The following GALNTL6 variants were observed in gnomAD, a reference collection of about 807,000 sequenced individuals.
GALNTL6 encodes the protein polypeptide N-acetylgalactosaminyltransferase like 6, also known as polypeptide N-acetylgalactosaminyltransferase-like 6.
A neutral mutation model predicts 73.7 loss-of-function variants in GALNTL6; 46 were observed. The observed-to-expected ratio is 0.62, with a 90% CI of 0.49 to 0.80. The LOEUF (loss-of-function observed/expected upper bound fraction) is 0.80, where lower values mean the gene tolerates loss of function less well. Among genes scored for constraint, GALNTL6 ranks in the 30% least tolerant of loss-of-function variants. GALNTL6 has a pLI of 0.00. For synonymous variants in GALNTL6, 259 were observed against 263.7 expected (o/e 0.98, Z 0.17); for missense variants, 604 against 755.0 (o/e 0.80, Z 2.34).
At chr4:172,057,546 T>A (rs1161812825) in intron 2 of GALNTL6, among the ~76,000 whole-genome samples, 3 of 147,844 alleles carry the variant, frequency 2.0e-5, no homozygotes, top group Non-Finnish European at 4.5e-5. Context: ...AAAATAAAAA[T>A]AAAAAATAAA....
At chr4:172,359,005 A>G (rs894923811) in intron 5 of GALNTL6, among the ~76,000 whole-genome samples, 7 of 152,290 alleles carry the variant, frequency 4.6e-5, no homozygotes, top group South Asian at 4.1e-4. Flanking sequence ...CAGAACTACT[A>G]TTTGACTCAG....
intron 5 of GALNTL6, among the ~76,000 whole-genome samples, chr4:172,470,823 C>T (rs1022307593): frequency 7.9e-5 from 12 of 152,126 alleles, no homozygotes; most frequent in South Asian, 2.1e-4. Context: ...CCTTCATACA[C>T]GTATTCGTGT....
chr4:172,297,849 C>T (rs893466653), intron 3 of GALNTL6, among the ~76,000 whole-genome samples: 2 of 151,784 alleles, frequency 1.3e-5, no homozygotes, highest in Non-Finnish European at 2.9e-5. Context: ...TTTTTTGGTT[C>T]CATATGAATT....
intron 2 of GALNTL6, among the ~76,000 whole-genome samples, chr4:172,189,710 T>C (rs1236051534): frequency 2.0e-5 from 3 of 152,162 alleles, no homozygotes; most frequent in South Asian, 2.1e-4. Flanking sequence ...CAAAGGACTT[T>C]CTTATATAAA....
rs2110792314 is a variant in GALNTL6, at chr4:172,511,970, G to T, written c.553+163281G>T. On this transcript the variant is annotated intron_variant, in intron 5 of 12. Coordinates refer to ENST00000506823, the MANE Select transcript of GALNTL6 (RefSeq NM_001034845.3). ...TGAAGTCCATTTGTTCTAGGGTACAGTTTAAGTCCATTGTTCTTTGCAGAC... is the reference window on the plus strand; with the variant it reads ...TGAAGTCCATTTGTTCTAGGGTACATTTTAAGTCCATTGTTCTTTGCAGAC... 3.6e-5 allele frequency among the ~76,000 whole-genome samples: 2 copies of T among 55,250 alleles called. 1 individual carries two copies. Among genetic ancestry groups the T allele is most frequent in the African/African-American group, 9.0e-5 (2 of 22,226 alleles). 36.2% of individuals were successfully genotyped at this position (55,250 alleles called of 152,430 possible).
chr4:172,633,341 G>A (rs1232285910), intron 5 of GALNTL6, among the ~76,000 whole-genome samples: 2 of 152,216 alleles, frequency 1.3e-5, no homozygotes, highest in Non-Finnish European at 2.9e-5. Context: ...TCTTGCATCA[G>A]TATGACCTGG....
chr4:172,031,549 C>T (rs1741771828), intron 2 of GALNTL6, among the ~76,000 whole-genome samples: 2 of 152,138 alleles, frequency 1.3e-5, no homozygotes, highest in East Asian at 1.9e-4. Context: ...ATCTAAAACA[C>T]TGAGTTAGTC....
intron 5 of GALNTL6, among the ~76,000 whole-genome samples, chr4:172,709,348 C>A (rs2111319151): frequency 6.6e-6 from 1 of 152,264 alleles, no homozygotes; most frequent in Admixed American, 6.5e-5. Flanking sequence ...GAAGTCATGC[C>A]ACATAATGCA....
At chr4:172,993,103 C>T (rs6811225) in intron 10 of GALNTL6, among the ~76,000 whole-genome samples, 14,930 of 152,156 alleles carry the variant, frequency 0.098, 1,147 homozygotes, top group Admixed American at 0.24. Flanking sequence ...TGTGTCCCCC[C>T]AAAAATTCGT....
chr4:172,804,585 G>A (rs1740843238), intron 5 of GALNTL6, among the ~76,000 whole-genome samples: 1 of 152,180 alleles, frequency 6.6e-6, no homozygotes, highest in Non-Finnish European at 1.5e-5. Flanking sequence ...TGAGCCTGGG[G>A]CAGCGGTTGG....
Position 171,956,557 on chromosome 4 carries a change from T to G in GALNTL6, c.138+141839T>G, listed in dbSNP as rs1260104274. Among the ~76,000 whole-genome samples, 4 of 152,212 alleles carry G rather than the reference T, an allele frequency of 2.6e-5. No homozygotes were observed. In the East Asian group the frequency reaches 7.7e-4, roughly 29 times the overall value. ...TCATTTTTGGCTTTTTAAATTTTCA[T>G]TTTTGATCACTAATGATAATTTCAT... On this transcript the variant is annotated intron_variant, in intron 2 of 12. Coordinates refer to ENST00000506823, the MANE Select transcript of GALNTL6 (RefSeq NM_001034845.3).
intron 8 of GALNTL6, among the ~76,000 whole-genome samples, chr4:172,921,662 G>T (rs1159852913): frequency 6.6e-6 from 1 of 152,024 alleles, no homozygotes; most frequent in Admixed American, 6.5e-5. Context: ...GGGTGCGGCG[G>T]TGGGCCTCTA....
At chr4:172,155,635 A>C (rs1734230979) in intron 2 of GALNTL6, among the ~76,000 whole-genome samples, 3 of 152,238 alleles carry the variant, frequency 2.0e-5, no homozygotes, top group Admixed American at 1.3e-4. Context: ...AATATTAGTT[A>C]CTATTTATGG....
At chr4:172,734,732 A>G (rs943742318) in intron 5 of GALNTL6, among the ~76,000 whole-genome samples, 1 of 151,962 alleles carries the variant, frequency 6.6e-6, no homozygotes, top group Non-Finnish European at 1.5e-5. Flanking sequence ...ACAGGCCCAG[A>G]GGTCTAGGAG....
At chr4:172,960,529 C>G (rs533670873) in intron 10 of GALNTL6, among the ~76,000 whole-genome samples, 1 of 151,810 alleles carries the variant, frequency 6.6e-6, no homozygotes, top group Non-Finnish European at 1.5e-5. Flanking sequence ...AAAGACTCAG[C>G]GACGCTTGGG....
chr4:172,745,430 CAT>C (rs960280899), intron 5 of GALNTL6, among the ~76,000 whole-genome samples: 19 of 107,408 alleles, frequency 1.8e-4, no homozygotes, highest in African/African-American at 4.7e-4. Context: ...CTTTTCAAAA[CAT>C]ATATATATAT....
chr4:171,830,312 G>A (rs1734933043), intron 2 of GALNTL6, among the ~76,000 whole-genome samples: 1 of 152,160 alleles, frequency 6.6e-6, no homozygotes. Context: ...CTAGTTTGTG[G>A]AGATTGGCTA....
intron 5 of GALNTL6, among the ~76,000 whole-genome samples, chr4:172,352,139 A>G (rs1385271880): frequency 6.6e-6 from 1 of 152,204 alleles, no homozygotes; most frequent in African/African-American, 2.4e-5. Context: ...TAAAATACTA[A>G]AATATTAGAT....
At chr4:172,980,127 A>G (rs746736361) in intron 10 of GALNTL6, among the ~76,000 whole-genome samples, 7 of 152,216 alleles carry the variant, frequency 4.6e-5, no homozygotes, top group Non-Finnish European at 1.0e-4. Flanking sequence ...TTCACCTCAC[A>G]GAAAAGGAAT....
Sources: allele counts gnomAD v4.1 joint callset (sites outside exome capture counted in the v4.1 genomes callset), GRCh38; gene constraint gnomAD v4.1.1; transcripts MANE v1.5; gene names NCBI Gene and HGNC (gene_info 2026-07-23, HGNC 2026-07-21).